CHKA: variants seen among roughly 807,000 people sequenced by gnomAD.
CHKA encodes the protein choline kinase alpha, also known as CHETK-alpha.
Under a neutral mutation model 60.1 loss-of-function variants are expected in CHKA, and 34 were observed. The ratio of observed to expected loss-of-function variants is 0.57; its 90% CI spans 0.43 to 0.75. CHKA has a LOEUF of 0.75. CHKA is among the 30% of genes least tolerant of loss of function. The pLI is 0.00. For missense variants in CHKA, 563 were observed against 561.3 expected, an observed-to-expected ratio of 1.00 and a Z score of -0.03; for synonymous variants, 217 against 223.1, an observed-to-expected ratio of 0.97 and a Z score of 0.24.
chr11:68,075,065 A>G (rs889097943), intron 3 of CHKA, among the ~76,000 whole-genome samples: 1 of 152,252 alleles, frequency 6.6e-6, no homozygotes, highest in African/African-American at 2.4e-5. Context: ...AAGATTTAAA[A>G]TATGAGTTTA....
In CHKA at chr11:68,111,415, G is replaced by GA. The variant is rs112678218; in HGVS notation, c.350+9412dup. On this transcript the variant is annotated intron_variant, in intron 1 of 11. Transcript: ENST00000265689. The stretch of plus-strand genomic sequence containing the variant: ...CAACAAAAGCCAAACTCCATCTCAA[G>GA]AAAAAAAAAAAAAATGAGCCAGGTA... 7.8e-3 allele frequency among the ~76,000 whole-genome samples: 955 copies of GA among 122,722 alleles called. 6 individuals carry two copies. Among genetic ancestry groups the GA allele is most frequent in the African/African-American group, 0.022 (727 of 33,240 alleles). 80.5% of individuals were successfully genotyped at this position (122,722 alleles called of 152,430 possible).
rs114395467 is a variant in CHKA, at chr11:68,063,629, T to C, written c.1232+896A>G. ...ATGGGAACTCTTCTTGTGATATGGT[T>C]TGGCTCTGTCTCCCCACCCAAATCT... On this transcript the variant is annotated intron_variant, in intron 10 of 11. Coordinates refer to ENST00000265689, the MANE Select transcript of CHKA (RefSeq NM_001277.3). 3.3e-3 allele frequency among the ~76,000 whole-genome samples: 501 copies of C among 152,306 alleles called. 2 individuals are homozygous for C. The highest frequency in any genetic ancestry group is 0.011 in the African/African-American group (473 of 41,562).
chr11:68,105,599 T>TA (rs1261176096), intron 1 of CHKA, among the ~76,000 whole-genome samples: 1 of 151,598 alleles, frequency 6.6e-6, no homozygotes, highest in Non-Finnish European at 1.5e-5. Context: ...TATTTTTAAT[T>TA]ATTTGGGTTT....
At chr11:68,096,448 A>G (rs916600522) in intron 2 of CHKA, among the ~76,000 whole-genome samples, 1 of 152,136 alleles carries the variant, frequency 6.6e-6, no homozygotes, top group Non-Finnish European at 1.5e-5. Flanking sequence ...ATAAACCCAG[A>G]CAAGTTGGGA....
intron 1 of CHKA, among the ~76,000 whole-genome samples, chr11:68,106,814 G>A (rs574185523): frequency 1.3e-5 from 2 of 152,184 alleles, no homozygotes; most frequent in African/African-American, 4.8e-5. Flanking sequence ...ACTCCAGCAC[G>A]GCTCAGCCTT....
At chr11:68,085,454 C>G (rs1202781087) in intron 2 of CHKA, among the ~76,000 whole-genome samples, 2 of 151,850 alleles carry the variant, frequency 1.3e-5, no homozygotes, top group Non-Finnish European at 2.9e-5. Context: ...TTCCTGAGCT[C>G]AAGTGATCCT....
chr11:68,098,839 G>A (rs1036172599), intron 1 of CHKA, among the ~76,000 whole-genome samples: 1 of 151,980 alleles, frequency 6.6e-6, no homozygotes, highest in African/African-American at 2.4e-5. Flanking sequence ...GATTACAGGT[G>A]TATGCCAGCA....
chr11:68,066,354 C>T (rs1856444572), intron 8 of CHKA, 75 bp downstream of exon 8: 8 of 1,267,764 alleles, frequency 6.3e-6, no homozygotes, highest in Non-Finnish European at 9.1e-6. Flanking sequence ...CTTATTTTCT[C>T]TAATAACTGT....
chr11:68,104,497 C>T (rs546361785), intron 1 of CHKA, among the ~76,000 whole-genome samples: 76 of 152,074 alleles, frequency 5.0e-4, no homozygotes, highest in African/African-American at 1.5e-3. Context: ...CTCGGCTCAC[C>T]GCAACCTCCG....
chr11:68,107,742 TG>T (rs1381636126), intron 1 of CHKA, among the ~76,000 whole-genome samples: 1 of 152,284 alleles, frequency 6.6e-6, no homozygotes, highest in African/African-American at 2.4e-5. Context: ...GCACAGTCCT[TG>T]GAACACAGCA....
intron 5 of CHKA, 82 bp from the exon 6 acceptor site, chr11:68,070,375 T>TA (rs1184026208): frequency 1.9e-6 from 2 of 1,053,624 alleles, no homozygotes; most frequent in African/African-American, 3.2e-5. Flanking sequence ...GGGCTTTGGT[T>TA]AAACATTCAA....
At chr11:68,109,631 A>C (rs1858059435) in intron 1 of CHKA, among the ~76,000 whole-genome samples, 1 of 152,176 alleles carries the variant, frequency 6.6e-6, no homozygotes, top group Non-Finnish European at 1.5e-5. Context: ...CTGAGACCTC[A>C]CCATAGGACT....
intron 1 of CHKA, among the ~76,000 whole-genome samples, chr11:68,104,718 G>A (rs903233249): frequency 9.2e-5 from 14 of 151,838 alleles, no homozygotes; most frequent in African/African-American, 2.9e-4. Flanking sequence ...CACCGCACCC[G>A]ACCAATATGT....
chr11:68,070,223 T>G lies in CHKA; in HGVS notation c.835A>C (p.Ser279Arg). 1.2e-6 allele frequency: 2 copies of G among 1,614,106 alleles called. No individual in the cohort carries two copies. Among genetic ancestry groups the G allele is most frequent in the Non-Finnish European group, 1.7e-6 (2 of 1,179,930 alleles). Residue 279 changes from serine to arginine, a missense_variant, in exon 6 of 12, where the codon AGT becomes CGT. Physicochemically the swap from Ser to Arg is moderately radical, Grantham distance 110. Coordinates refer to ENST00000265689, the MANE Select transcript of CHKA (RefSeq NM_001277.3). ...SRIKKLHKLL[S>R]YNLPLELENL... is the part of the protein sequence containing the mutation. Reference sequence around the variant, plus strand: ...TCCAGTTCCAAGGGCAGATTGTAACTGAGCAATTTGTGGAGCTTTTTAATT... The same window carrying G: ...TCCAGTTCCAAGGGCAGATTGTAACGGAGCAATTTGTGGAGCTTTTTAATT...
intron 1 of CHKA, among the ~76,000 whole-genome samples, chr11:68,101,274 G>A (rs1397903930): frequency 1.3e-5 from 2 of 151,912 alleles, no homozygotes; most frequent in African/African-American, 4.8e-5. Flanking sequence ...ATAAATTGTT[G>A]AGCAAAAATG....
intron 2 of CHKA, among the ~76,000 whole-genome samples, chr11:68,093,546 TAATA>T (rs1340086747): frequency 9.8e-5 from 15 of 152,366 alleles, no homozygotes; most frequent in South Asian, 4.1e-4. Context: ...CTTAGTTACT[TAATA>T]GTCTTTTTTC....
intron 1 of CHKA, among the ~76,000 whole-genome samples, chr11:68,113,751 T>C (rs993254517): frequency 6.6e-6 from 1 of 151,176 alleles, no homozygotes; most frequent in African/African-American, 2.4e-5. Flanking sequence ...TCCCAGCACT[T>C]TGGGAGGCCG....
rs1857488642 is a variant in CHKA, at chr11:68,095,727, A to AAC, written c.462+1291_462+1292insGT. On this transcript the variant is annotated intron_variant, in intron 2 of 11. Coordinates refer to ENST00000265689, the MANE Select transcript of CHKA (RefSeq NM_001277.3). Reference sequence around the variant, plus strand: ...CCGTCGCAAAAAAAAAAAAAAAAAAAAAAAAAACAACAGGTATCAAAATCC... The same window carrying AAC: ...CCGTCGCAAAAAAAAAAAAAAAAAAAACAAAAAAACAACAGGTATCAAAATCC... Among the ~76,000 whole-genome samples the AAC allele has an allele frequency of 3.5e-5, 5 of 142,698 alleles. 1 individual carries two copies. Among genetic ancestry groups the AAC allele is most frequent in the Non-Finnish European group, 6.1e-5 (4 of 65,688 alleles). The allele number at this position is 142,698 out of a possible 152,430, so 93.6% of individuals were successfully genotyped here.
At chr11:68,068,791 T>C in intron 7 of CHKA, 88 bp downstream of exon 7, 1 of 843,624 alleles carries the variant, frequency 1.2e-6, no homozygotes, top group Non-Finnish European at 2.0e-6. Context: ...ATACTCTTGA[T>C]GCTACCTTAC....
Sources: gnomAD v4.1 joint callset for allele counts (sites outside exome capture counted in the v4.1 genomes callset) on GRCh38, gnomAD v4.1.1 for gene constraint, MANE v1.5 for transcripts, NCBI Gene and HGNC (gene_info 2026-07-23, HGNC 2026-07-21) for gene names.